Variants in DDX31 observed in about 807,000 individuals in gnomAD.
DDX31 encodes ATP-dependent DNA helicase DDX31.
DDX31 carries 70 observed loss-of-function variants against 91.3 expected under a neutral mutation model. The observed-to-expected ratio is 0.77, with a 90% CI of 0.63 to 0.94. DDX31 has a LOEUF of 0.94. DDX31 is among the 40% of genes least tolerant of loss of function. The pLI, the probability that DDX31 is intolerant of heterozygous loss-of-function variation, is 0.00. For missense variants in DDX31, 902 were observed against 925.0 expected (o/e 0.98, Z 0.32); for synonymous variants, 362 against 350.6 (o/e 1.03, Z -0.36).
At chr9:132,632,260 A>ACACACACAGTCCTG (rs1832818154) in intron 14 of DDX31, among the ~76,000 whole-genome samples, 169 bp from the exon 15 acceptor site, 1 of 115,926 alleles carries the variant, frequency 8.6e-6, no homozygotes, top group Non-Finnish European at 1.7e-5. Context: ...ACACACACAC[A>ACACACACAGTCCTG]CACACACACA....
At chr9:132,659,953 A>T (rs1417708521) in intron 4 of DDX31, among the ~76,000 whole-genome samples, 173 bp from the exon 5 acceptor site, 2 of 152,244 alleles carry the variant, frequency 1.3e-5, no homozygotes, top group Admixed American at 6.5e-5. Flanking sequence ...GATTATAAAG[A>T]TCAAACCCTA....
intron 19 of DDX31, among the ~76,000 whole-genome samples, chr9:132,608,104 T>C (rs972236849): frequency 2.0e-5 from 3 of 152,166 alleles, no homozygotes; most frequent in East Asian, 1.9e-4. Flanking sequence ...GAATCTACTA[T>C]AGCTTCAAAA....
chr9:132,620,613 T>C (rs1831967700), intron 17 of DDX31, among the ~76,000 whole-genome samples: 3 of 152,072 alleles, frequency 2.0e-5, no homozygotes, highest in African/African-American at 7.2e-5. Flanking sequence ...TACTCCTCCC[T>C]AACCCCTGCT....
Position 132,651,395 on chromosome 9 carries a change from C to A in DDX31, c.634-279G>T, listed in dbSNP as rs181340657. On this transcript the variant is annotated intron_variant, in intron 7 of 19. Coordinates refer to ENST00000372159, the MANE Select transcript of DDX31 (RefSeq NM_022779.9). ...TGGCTCAAATTCCCAGAGTGCCACA[C>A]AGAGAAGTTCAAGTCTGTGGTGCAC... Among the ~76,000 whole-genome samples the A allele has an allele frequency of 3.3e-5, 5 of 152,254 alleles. No homozygotes were observed. The East Asian group carries it at 9.6e-4, about 29-fold the overall frequency.
intron 19 of DDX31, among the ~76,000 whole-genome samples, chr9:132,611,594 G>A (rs1300517628): frequency 6.6e-6 from 1 of 152,070 alleles, no homozygotes; most frequent in Non-Finnish European, 1.5e-5. Context: ...CTTTTTGGGA[G>A]GAAAGGGGAA....
At chr9:132,645,426 T>C (rs1359884238) in intron 13 of DDX31, among the ~76,000 whole-genome samples, 1 of 152,180 alleles carries the variant, frequency 6.6e-6, no homozygotes, top group African/African-American at 2.4e-5. Context: ...CTGTGTCTTG[T>C]TGACAATGAC....
chr9:132,655,111 T>C (rs1834480674), intron 6 of DDX31, among the ~76,000 whole-genome samples: 1 of 152,156 alleles, frequency 6.6e-6, no homozygotes, highest in African/African-American at 2.4e-5. Flanking sequence ...CACATTCCAC[T>C]TACAGAAATT....
rs1834852392 is a variant in DDX31 at position 132,660,293 on chromosome 9, C to T, written c.453-513G>A. Among the ~76,000 whole-genome samples, 2 of 150,920 alleles carry T rather than the reference C, an allele frequency of 1.3e-5. 1 individual carries two copies. The highest frequency in any genetic ancestry group is 4.2e-4 in the South Asian group (2 of 4,774). ...GAGATTGTAGTGAGCCAAGATCGCACCACTGCACTCCAGCCTGGGCAACAA... is the reference window on the plus strand; with the variant it reads ...GAGATTGTAGTGAGCCAAGATCGCATCACTGCACTCCAGCCTGGGCAACAA... On this transcript the variant is annotated intron_variant, in intron 4 of 19. Transcript: ENST00000372159.
intron 7 of DDX31, among the ~76,000 whole-genome samples, chr9:132,651,375 C>T (rs1231318079): frequency 6.6e-6 from 1 of 152,136 alleles, no homozygotes. Flanking sequence ...TCTGCTGGCT[C>T]AAATTCCCAG....
intron 19 of DDX31, among the ~76,000 whole-genome samples, chr9:132,597,173 G>A (rs1037428289): frequency 1.8e-4 from 27 of 152,202 alleles, no homozygotes; most frequent in African/African-American, 6.3e-4. Flanking sequence ...GCTCTTCTGA[G>A]AGCATCCACC....
At chr9:132,645,847 C>T in intron 13 of DDX31, 48 bp downstream of exon 13, 1 of 1,565,752 alleles carries the variant, frequency 6.4e-7, no homozygotes, top group Non-Finnish European at 8.7e-7. Context: ...GCCCCCATCT[C>T]CACGTGGGGC....
chr9:132,669,549 C>G, intron 1 of DDX31: 3 of 1,432,056 alleles, frequency 2.1e-6, no homozygotes, highest in Non-Finnish European at 2.8e-6. Context: ...CTGGGACTTG[C>G]GCCGGAACTT....
chr9:132,658,337 A>C, intron 6 of DDX31: 1 of 703,372 alleles, frequency 1.4e-6, no homozygotes, highest in Non-Finnish European at 2.6e-6. Context: ...TCTTCTTCGT[A>C]AAATGTGGAT....
At chr9:132,623,373 T>C (rs1055045359) in intron 17 of DDX31, among the ~76,000 whole-genome samples, 4 of 151,056 alleles carry the variant, frequency 2.6e-5, no homozygotes, top group African/African-American at 4.9e-5. Flanking sequence ...CTGGCCAACA[T>C]AGTGAAACCC....
intron 14 of DDX31, among the ~76,000 whole-genome samples, chr9:132,633,953 T>C (rs2130687783): frequency 6.6e-6 from 1 of 152,290 alleles, no homozygotes; most frequent in Non-Finnish European, 1.5e-5. Context: ...AAGAGGAACA[T>C]GTTGAACACC....
At chr9:132,615,809 G>C (rs1193690896) in intron 18 of DDX31, among the ~76,000 whole-genome samples, 3 of 152,212 alleles carry the variant, frequency 2.0e-5, no homozygotes, top group African/African-American at 7.2e-5. Flanking sequence ...AGGGGTAACT[G>C]CTTCTGGAAA....
intron 14 of DDX31, among the ~76,000 whole-genome samples, chr9:132,633,107 T>C (rs1332356079): frequency 3.3e-5 from 5 of 152,320 alleles, no homozygotes; most frequent in African/African-American, 1.2e-4. Context: ...ATCTGACAGA[T>C]GACAAAACCA....
intron 14 of DDX31, 150 bp from the exon 15 acceptor site, chr9:132,632,241 T>TGTACACACACACACACACACAC (rs1466872933): frequency 2.3e-4 from 22 of 94,100 alleles, no homozygotes; most frequent in South Asian, 5.7e-4. Context: ...CCAGTACGTG[T>TGTACACACACACACACACACAC]ACACACACAC....
chr9:132,662,843 C>A, intron 1 of DDX31, 148 bp from the exon 2 acceptor site: 1 of 1,151,906 alleles, frequency 8.7e-7, no homozygotes, highest in Non-Finnish European at 1.2e-6. Context: ...TTAGGGTTTG[C>A]AATCAGACTC....
Sources: gnomAD v4.1 joint callset for allele counts (sites outside exome capture counted in the v4.1 genomes callset) on GRCh38, gnomAD v4.1.1 for gene constraint, MANE v1.5 for transcripts, NCBI Gene and HGNC (gene_info 2026-07-23, HGNC 2026-07-21) for gene names.